The following TRPS1 variants were observed in gnomAD, a reference collection of about 807,000 sequenced individuals.
TRPS1 encodes transcriptional repressor GATA binding 1, also known as zinc finger transcription factor Trps1.
A neutral mutation model predicts 101.2 loss-of-function variants in TRPS1; 6 were observed. That is an observed-to-expected ratio of 0.06 (90% CI 0.03 to 0.12). TRPS1 has a LOEUF of 0.12. Ranked by LOEUF, TRPS1 falls within the 10% of genes least tolerant of loss-of-function variation. TRPS1 has a pLI of 1.00. For synonymous variants in TRPS1, 578 were observed against 589.8 expected (o/e 0.98, Z 0.29); for missense variants, 1,363 against 1,567.0 (o/e 0.87, Z 2.20).
At chr8:115,643,034 A>G (rs1818939211) in intron 1 of TRPS1, among the ~76,000 whole-genome samples, 3 of 152,080 alleles carry the variant, frequency 2.0e-5, no homozygotes, top group Admixed American at 2.0e-4. Flanking sequence ...ACATTACACA[A>G]TGGTCTATTA....
chr8:115,548,832 A>G (rs113122036), intron 5 of TRPS1, among the ~76,000 whole-genome samples: 2 of 152,226 alleles, frequency 1.3e-5, no homozygotes, highest in African/African-American at 4.8e-5. Flanking sequence ...TGTCTTATTC[A>G]GAATGCCTGT....
intron 5 of TRPS1, among the ~76,000 whole-genome samples, chr8:115,550,094 G>A: frequency 6.6e-6 from 1 of 152,070 alleles, no homozygotes. Context: ...GTGGGCACCT[G>A]TAATCCCAGC....
In TRPS1 at chr8:115,412,518, T is replaced by C. The variant is rs1812813837; in HGVS notation, c.*1505A>G. 6.6e-6 allele frequency: 1 copy of C among 152,564 alleles called. No homozygotes were observed. Among genetic ancestry groups the C allele is most frequent in the Non-Finnish European group, 1.5e-5 (1 of 67,996 alleles). The allele number at this position is 152,564 out of a possible 1,614,324, so 9.5% of individuals were successfully genotyped here. A position where few individuals can be genotyped will look rare whatever the true frequency, so the allele number is the denominator to read the frequency against. ...TCAGGCACCATTATTTGAAATGTAA[T>C]ACATTAATATTTACTAGAAAAATAA... On this transcript the variant is annotated 3_prime_UTR_variant, in exon 7 of 7. Transcript: ENST00000395715.
At chr8:115,527,206 G>A (rs988094548) in intron 5 of TRPS1, among the ~76,000 whole-genome samples, 5 of 151,498 alleles carry the variant, frequency 3.3e-5, no homozygotes, top group East Asian at 3.9e-4. Context: ...TTCTGACTCC[G>A]CCTTCTTATT....
chr8:115,651,202 T>C (rs1356495984), intron 1 of TRPS1, among the ~76,000 whole-genome samples: 1 of 152,186 alleles, frequency 6.6e-6, no homozygotes, highest in Admixed American at 6.5e-5. Flanking sequence ...TGTTCTCCTT[T>C]TTTTATACTT....
At chr8:115,529,855 CA>C (rs1346681467) in intron 5 of TRPS1, among the ~76,000 whole-genome samples, 1 of 152,156 alleles carries the variant, frequency 6.6e-6, no homozygotes, top group African/African-American at 2.4e-5. Context: ...AGTTCCTCAA[CA>C]TTCAGAGGAT....
intron 5 of TRPS1, among the ~76,000 whole-genome samples, chr8:115,557,517 A>C (rs1816849491): frequency 6.6e-6 from 1 of 152,122 alleles, no homozygotes. Flanking sequence ...TGTCCTTGTG[A>C]TAGTGACTGA....
chr8:115,514,413 G>A (rs1385075146), intron 5 of TRPS1, among the ~76,000 whole-genome samples: 1 of 151,590 alleles, frequency 6.6e-6, no homozygotes, highest in Non-Finnish European at 1.5e-5. Flanking sequence ...TTGATACCTG[G>A]AAAATGGGAG....
intron 5 of TRPS1, among the ~76,000 whole-genome samples, chr8:115,504,013 T>C (rs1452341621): frequency 6.6e-6 from 1 of 152,192 alleles, no homozygotes; most frequent in Non-Finnish European, 1.5e-5. Context: ...TCAACTGAAT[T>C]CTACATACTT....
In TRPS1 at chr8:115,483,312, G is replaced by A. The variant is rs182861290; in HGVS notation, c.2701-64860C>T. Among the ~76,000 whole-genome samples, 5 of 151,984 alleles carry A rather than the reference G, an allele frequency of 3.3e-5. No homozygotes were observed. The East Asian group carries it at 7.8e-4, about 24-fold the overall frequency. ...CTTTGGGAGGTTGGGCAGGTGGATCGCTTGAGTCCAGGAGTGTAAGACCGG... is the reference window on the plus strand; with the variant it reads ...CTTTGGGAGGTTGGGCAGGTGGATCACTTGAGTCCAGGAGTGTAAGACCGG... On this transcript the variant is annotated intron_variant, in intron 5 of 6. Transcript: ENST00000395715.
At position 115,475,266 on chromosome 8, in the gene TRPS1, TTATATATATATATATA is replaced by T. The variant is rs33922102; in HGVS notation, c.2701-56830_2701-56815del. Among the ~76,000 whole-genome samples the T allele has an allele frequency of 6.5e-5, 8 of 124,004 alleles. 1 individual carries two copies. Among genetic ancestry groups the T allele is most frequent in the African/African-American group, 1.4e-4 (4 of 28,886 alleles). The allele number at this position is 124,004 out of a possible 152,430, so 81.4% of individuals were successfully genotyped here. A position where few individuals can be genotyped will look rare whatever the true frequency, so the allele number is the denominator to read the frequency against. On this transcript the variant is annotated intron_variant, in intron 5 of 6. Transcript: ENST00000395715. ...TTTACTATATATTTTTGAATCACAGTTATATATATATATATATATATATATATATATATATATATTT... is the reference window on the plus strand; with the variant it reads ...TTTACTATATATTTTTGAATCACAGTTATATATATATATATATATATATTT...
intron 5 of TRPS1, among the ~76,000 whole-genome samples, chr8:115,564,305 A>G (rs573139140): frequency 1.3e-5 from 2 of 152,264 alleles, no homozygotes; most frequent in African/African-American, 2.4e-5. Flanking sequence ...TTTTAACCCT[A>G]TATTAAGTGC....
intron 5 of TRPS1, among the ~76,000 whole-genome samples, chr8:115,572,884 G>C (rs1817237800): frequency 6.6e-6 from 1 of 152,112 alleles, no homozygotes; most frequent in Admixed American, 6.6e-5. Flanking sequence ...TGTAATCCCA[G>C]CACTTTGGGA....
chr8:115,505,097 ATCTGTAGAAT>A (rs1219943738), intron 5 of TRPS1, among the ~76,000 whole-genome samples: 2 of 152,146 alleles, frequency 1.3e-5, no homozygotes, highest in African/African-American at 4.8e-5. Flanking sequence ...TTTCCAAGAC[ATCTGTAGAAT>A]TCTGTAGAAT....
At position 115,598,661 on chromosome 8, in the gene TRPS1, A is replaced by C. The variant is rs189128296; in HGVS notation, c.2096+5212T>G. Among the ~76,000 whole-genome samples, 16 of 152,268 alleles carry C rather than the reference A, an allele frequency of 1.1e-4. No homozygotes were observed. The East Asian group carries it at 3.1e-3, about 29-fold the overall frequency. On this transcript the variant is annotated intron_variant, in intron 4 of 6. Transcript: ENST00000395715. ...AGGCAATGTTTGTTTGGATTTGCTC[A>C]GATGTTTCCCTGGTCTTCACTTATC...
intron 3 of TRPS1, among the ~76,000 whole-genome samples, chr8:115,618,554 G>A (rs1818319354): frequency 6.6e-6 from 1 of 152,144 alleles, no homozygotes; most frequent in African/African-American, 2.4e-5. Context: ...TCATTCTGCT[G>A]TCCCTAATAC....
chr8:115,474,326 A>C (rs1030793189), intron 5 of TRPS1, among the ~76,000 whole-genome samples: 1 of 152,104 alleles, frequency 6.6e-6, no homozygotes, highest in Non-Finnish European at 1.5e-5. Context: ...TTGTTATTTA[A>C]CTTTGTTTAG....
chr8:115,645,423 A>T (rs1423481284), intron 1 of TRPS1, among the ~76,000 whole-genome samples: 1 of 152,224 alleles, frequency 6.6e-6, no homozygotes, highest in Admixed American at 6.5e-5. Context: ...CATGTAGGAT[A>T]TATTCCACAT....
chr8:115,418,443 C>T lies in TRPS1; in HGVS notation c.2710G>A (p.Gly904Ser), dbSNP rs780082583. The T allele has an allele frequency of 6.2e-7, 1 of 1,614,110 alleles. No homozygotes were observed. Among genetic ancestry groups the T allele is most frequent in the Admixed American group, 1.7e-5 (1 of 60,018 alleles). ...ESQSLLRRRR[G>S]SGVFCANCLT... ...CAATTGGCACAAAAAACACCGGAGC[C>T]TCTACGCCTCTGAAACAGGGGAAAA... The change falls in exon 6 of 7, where the codon GGC becomes AGC. Residue 904 changes from glycine (G) to serine (S), a missense_variant. Transcript: ENST00000395715. The surrounding 1 kb of genome is among the most constrained non-coding windows in gnomAD (Gnocchi z 4.3).
Sources: allele counts gnomAD v4.1 joint callset (sites outside exome capture counted in the v4.1 genomes callset), GRCh38; gene constraint gnomAD v4.1.1; non-coding constraint Gnocchi (gnomAD v3.1); transcripts MANE v1.5; gene names NCBI Gene and HGNC (gene_info 2026-07-23, HGNC 2026-07-21).